The following MRPS27 variants were observed in gnomAD, a reference collection of about 807,000 sequenced individuals.
MRPS27 encodes the protein mitochondrial ribosomal protein S27.
MRPS27 carries 43 observed loss-of-function variants against 48.9 expected under a neutral mutation model. That is an observed-to-expected ratio of 0.88 (90% CI 0.69 to 1.13). The LOEUF is 1.13. Among genes scored for constraint, MRPS27 ranks in the 50% most tolerant of loss-of-function variants. MRPS27 has a pLI of 0.00. For synonymous variants in MRPS27, 188 were observed against 171.9 expected (o/e 1.09, Z -0.73); for missense variants, 467 against 476.3 (o/e 0.98, Z 0.18).
chr5:72,295,828 A>G (rs549554700), intron 3 of MRPS27, among the ~76,000 whole-genome samples: 34 of 152,360 alleles, frequency 2.2e-4, no homozygotes, highest in African/African-American at 8.2e-4. Flanking sequence ...AACCTTGATC[A>G]GAAAACGGAT....
intron 7 of MRPS27, among the ~76,000 whole-genome samples, chr5:72,229,946 T>G (rs1001484746): frequency 6.6e-6 from 1 of 152,186 alleles, no homozygotes; most frequent in Non-Finnish European, 1.5e-5. Context: ...AATGCAGTGG[T>G]GTGATCACAG....
chr5:72,310,009 T>C (rs1330861702), intron 2 of MRPS27, among the ~76,000 whole-genome samples: 1 of 152,132 alleles, frequency 6.6e-6, no homozygotes, highest in Non-Finnish European at 1.5e-5. Context: ...ACACTGTCTC[T>C]AGTGGGAGCC....
Position 72,228,252 on chromosome 5 carries a change from A to T in MRPS27, c.694+14T>A, listed in dbSNP as rs757068201. 2 of 1,568,668 alleles carry T rather than the reference A, an allele frequency of 1.3e-6. No homozygotes were observed. Among genetic ancestry groups the T allele is most frequent in the Admixed American group, 3.3e-5 (2 of 59,840 alleles). On this transcript the variant is annotated intron_variant, in intron 8 of 10. Coordinates refer to ENST00000261413, the MANE Select transcript of MRPS27 (RefSeq NM_015084.3). ...ACCATGAAGAACAGTATTTGTAAGG[A>T]TCATTTAGCTTACCAAGAAGTGCAT...
At position 72,238,027 on chromosome 5, in the gene MRPS27, G is replaced by A. The variant is rs1293724382; in HGVS notation, c.383C>T (p.Thr128Ile). The A allele has an allele frequency of 1.2e-6, 2 of 1,611,196 alleles. No homozygotes were observed. The highest frequency in any genetic ancestry group is 1.7e-6 in the Non-Finnish European group (2 of 1,177,606). ...KYDAQDKALY[T>I]LVNKVQYGIF... ...GGAACAACTCACCTTATTTACAAGG[G>A]TATATAGGGCTTTGTCTTGTGCATC... Residue 128 changes from threonine to isoleucine, a missense_variant, in exon 5 of 11, where the codon ACC becomes ATC. Coordinates refer to ENST00000261413, the MANE Select transcript of MRPS27 (RefSeq NM_015084.3).
At chr5:72,248,706 TAATAGTTA>T (rs1296333270) in intron 4 of MRPS27, among the ~76,000 whole-genome samples, 8 of 91,334 alleles carry the variant, frequency 8.8e-5, no homozygotes, top group Admixed American at 7.0e-4. Context: ...CTTTGATGTA[TAATAGTTA>T]AATAGATTCC....
At chr5:72,262,291 A>G (rs1029616097) in intron 4 of MRPS27, among the ~76,000 whole-genome samples, 1 of 152,140 alleles carries the variant, frequency 6.6e-6, no homozygotes, top group Non-Finnish European at 1.5e-5. Context: ...ACATATGATC[A>G]TGTGGTTAGC....
chr5:72,270,784 AG>A (rs1749220724), intron 4 of MRPS27, among the ~76,000 whole-genome samples: 1 of 152,216 alleles, frequency 6.6e-6, no homozygotes, highest in Admixed American at 6.5e-5. Flanking sequence ...ATACTACATC[AG>A]GACAATACAC....
At chr5:72,226,292 G>A in intron 8 of MRPS27, 93 bp from the exon 9 acceptor site, 1 of 1,478,894 alleles carries the variant, frequency 6.8e-7, no homozygotes, top group Non-Finnish European at 9.4e-7. Context: ...ATGTTCACCT[G>A]GCAGCACTAG....
rs770942829 is a variant in MRPS27, at chr5:72,314,152, C to G, written c.80G>C (p.Arg27Thr). 23 of 1,611,684 alleles carry G rather than the reference C, an allele frequency of 1.4e-5. No homozygotes were observed. Among genetic ancestry groups the G allele is most frequent in the Non-Finnish European group, 2.0e-5 (23 of 1,178,524 alleles). Residue 27 changes from arginine (R) to threonine (T), a missense_variant, in exon 2 of 11, where the codon AGA becomes ACA. Arg to Thr is a moderately conservative substitution (Grantham distance 71). Coordinates refer to ENST00000261413, the MANE Select transcript of MRPS27 (RefSeq NM_015084.3). ...TACATAGGCTGAAGAAAGCAGGTAT[C>G]TTTTACCTGAGAAAATAGGCAATTA... ...VLPQLSPAGK[R>T]YLLSSAYVDS...
chr5:72,283,219 C>T (rs1017023832), intron 4 of MRPS27, among the ~76,000 whole-genome samples: 1 of 152,184 alleles, frequency 6.6e-6, no homozygotes, highest in Non-Finnish European at 1.5e-5. Context: ...CCCATCCTGA[C>T]TCCTTCAGGG....
chr5:72,307,729 C>A (rs997267520), intron 2 of MRPS27, among the ~76,000 whole-genome samples: 2 of 151,984 alleles, frequency 1.3e-5, no homozygotes, highest in African/African-American at 4.8e-5. Context: ...TTTGGAGAGA[C>A]TAAGTGGGGG....
chr5:72,250,761 C>A (rs1183727999), intron 4 of MRPS27, among the ~76,000 whole-genome samples: 1 of 152,102 alleles, frequency 6.6e-6, no homozygotes, highest in Non-Finnish European at 1.5e-5. Flanking sequence ...CATATACAAG[C>A]AATACTAAAA....
At chr5:72,309,740 C>T (rs1400484718) in intron 2 of MRPS27, among the ~76,000 whole-genome samples, 3 of 152,128 alleles carry the variant, frequency 2.0e-5, no homozygotes, top group Non-Finnish European at 2.9e-5. Flanking sequence ...TCCTGGAATT[C>T]GTCATTCCCT....
chr5:72,262,963 T>G (rs753965704), intron 4 of MRPS27, among the ~76,000 whole-genome samples: 99 of 152,048 alleles, frequency 6.5e-4, no homozygotes, highest in Non-Finnish European at 1.3e-3. Flanking sequence ...TGCTTGCCTT[T>G]GATATCCTGT....
At chr5:72,261,304 T>C (rs536948889) in intron 4 of MRPS27, among the ~76,000 whole-genome samples, 4 of 152,240 alleles carry the variant, frequency 2.6e-5, no homozygotes, top group African/African-American at 9.6e-5. Context: ...CAGGCTGGAG[T>C]GCAGTGGCAC....
At position 72,234,109 on chromosome 5, in the gene MRPS27, A is replaced by G; in HGVS notation, c.475+10T>C. 6.7e-7 allele frequency: 1 copy of G among 1,498,792 alleles called. No individual in the cohort carries two copies. Among genetic ancestry groups the G allele is most frequent in the Non-Finnish European group, 8.9e-7 (1 of 1,127,822 alleles). 92.8% of individuals were successfully genotyped at this position (1,498,792 alleles called of 1,614,324 possible). ...CCCTATAAACACTGAATCTGGGGTT[A>G]GTTTCTTACCTTTGTAATTTTCTTT... On this transcript the variant is annotated intron_variant, in intron 6 of 10. Transcript: ENST00000261413.
chr5:72,290,231 T>A (rs1749784504), intron 4 of MRPS27, among the ~76,000 whole-genome samples: 1 of 152,116 alleles, frequency 6.6e-6, no homozygotes, highest in Non-Finnish European at 1.5e-5. Context: ...AACTACAGAC[T>A]AGGTGGCCCA....
In MRPS27 at chr5:72,232,488, G is replaced by A. The variant is rs1190855385; in HGVS notation, c.546C>T (p.Ser182=). The A allele has an allele frequency of 6.2e-7, 1 of 1,612,478 alleles. No homozygotes were observed. Among genetic ancestry groups the A allele is most frequent in the South Asian group, 1.1e-5 (1 of 91,030 alleles). Residue 182 remains serine (S), a synonymous_variant, in exon 7 of 11, where the codon TCC becomes TCT. Coordinates refer to ENST00000261413, the MANE Select transcript of MRPS27 (RefSeq NM_015084.3). ...CCAGGCAATGAAATAAAACATAGAGGGAGAGAAGTTGGGTGGAAGGCACTT... is the reference window on the plus strand; with the variant it reads ...CCAGGCAATGAAATAAAACATAGAGAGAGAGAAGTTGGGTGGAAGGCACTT... ...AFEVPSTQLL[S]LYVLFHCLAK...
chr5:72,289,447 G>T (rs1208757588), intron 4 of MRPS27, among the ~76,000 whole-genome samples: 1 of 151,222 alleles, frequency 6.6e-6, no homozygotes, highest in Non-Finnish European at 1.5e-5. Flanking sequence ...TTGAGACAGG[G>T]GTCTCACTCT....
Sources: gnomAD v4.1 joint callset for allele counts (sites outside exome capture counted in the v4.1 genomes callset) on GRCh38, gnomAD v4.1.1 for gene constraint, MANE v1.5 for transcripts, NCBI Gene and HGNC (gene_info 2026-07-23, HGNC 2026-07-21) for gene names.